SREK1: variants seen among roughly 807,000 people sequenced by gnomAD.
SREK1 encodes splicing regulatory glutamine/lysine-rich protein 1.
In SREK1, 13 loss-of-function variants were observed where a neutral mutation model predicts 66.5. The ratio of observed to expected loss-of-function variants is 0.20; its 90% confidence interval spans 0.13 to 0.31. The LOEUF is 0.31. SREK1 is among the 10% of genes least tolerant of loss of function. The probability of loss-of-function intolerance (pLI) is 1.00; values close to 1 mark genes in which losing one functional copy is unlikely to be tolerated. For synonymous variants in SREK1, 265 were observed against 263.5 expected (o/e 1.01, Z -0.05); for missense variants, 607 against 769.6 (o/e 0.79, Z 2.50).
chr5:66,151,692 TAC>T (rs1202801721), intron 1 of SREK1, among the ~76,000 whole-genome samples: 1 of 152,098 alleles, frequency 6.6e-6, no homozygotes, highest in African/African-American at 2.4e-5. Context: ...TGGATGTGCA[TAC>T]AGTTAACCTC....
At chr5:66,153,727 AG>A (rs1477904889) in intron 2 of SREK1, 131 bp downstream of exon 2, 1 of 1,182,552 alleles carries the variant, frequency 8.5e-7, no homozygotes, top group African/African-American at 1.6e-5. Context: ...AATTTGGAGG[AG>A]GTAAACCTTT....
At chr5:66,145,797 ACTGT>A (rs1743140001) in intron 1 of SREK1, among the ~76,000 whole-genome samples, 1 of 145,794 alleles carries the variant, frequency 6.9e-6, no homozygotes, top group Non-Finnish European at 1.5e-5. Flanking sequence ...ATTAGATAAC[ACTGT>A]CTCCCTTGAA....
intron 3 of SREK1, among the ~76,000 whole-genome samples, chr5:66,161,261 A>G (rs1744737252): frequency 6.6e-6 from 1 of 152,118 alleles, no homozygotes; most frequent in South Asian, 2.1e-4. Flanking sequence ...TTCTTTGTGA[A>G]TTCTGTATTT....
At chr5:66,153,797 A>G (rs1352483919) in intron 2 of SREK1, 17 of 552,824 alleles carry the variant, frequency 3.1e-5, no homozygotes, top group African/African-American at 8.0e-5. Context: ...AGGTTTTACA[A>G]TTTAACATTC....
chr5:66,154,946 C>A (rs1744154521), intron 2 of SREK1, among the ~76,000 whole-genome samples: 1 of 152,062 alleles, frequency 6.6e-6, no homozygotes, highest in Non-Finnish European at 1.5e-5. Flanking sequence ...AAAAAGAAAT[C>A]AGGTAAAAGG....
intron 1 of SREK1, among the ~76,000 whole-genome samples, chr5:66,151,833 C>G (rs1315659219): frequency 4.7e-5 from 6 of 127,572 alleles, no homozygotes; most frequent in Admixed American, 2.3e-4. Context: ...AGAGGTACAT[C>G]CTTTTTTTTT....
intron 3 of SREK1, among the ~76,000 whole-genome samples, chr5:66,160,734 A>G (rs971372777): frequency 6.6e-6 from 1 of 152,198 alleles, no homozygotes; most frequent in Non-Finnish European, 1.5e-5. Context: ...CGTTTTCACC[A>G]TTAGCAAGTG....
chr5:66,161,421 A>G (rs1279921041), intron 3 of SREK1, among the ~76,000 whole-genome samples: 1 of 152,220 alleles, frequency 6.6e-6, no homozygotes, highest in African/African-American at 2.4e-5. Flanking sequence ...TTTGGCACTC[A>G]GGCAGTAAAC....
intron 1 of SREK1, among the ~76,000 whole-genome samples, chr5:66,146,316 A>G (rs1280998223): frequency 6.6e-6 from 1 of 152,140 alleles, no homozygotes; most frequent in African/African-American, 2.4e-5. Flanking sequence ...TAGAAGAAAT[A>G]TATTGGAGAA....
At chr5:66,167,188 GCTT>G (rs1336092898) in intron 7 of SREK1, 5 of 152,086 alleles carry the variant, frequency 3.3e-5, no homozygotes, top group Non-Finnish European at 7.3e-5. Flanking sequence ...TGTTCCTTCC[GCTT>G]CTTATGGTTA....
chr5:66,150,565 C>G (rs1743699784), intron 1 of SREK1, among the ~76,000 whole-genome samples: 1 of 152,120 alleles, frequency 6.6e-6, no homozygotes, highest in Non-Finnish European at 1.5e-5. Context: ...AGAAAGATCA[C>G]TGTGGGAGCT....
chr5:66,166,529 A>C (rs1745193684), intron 7 of SREK1: 1 of 151,998 alleles, frequency 6.6e-6, no homozygotes, highest in Non-Finnish European at 1.5e-5. Context: ...GGAGTGCAGT[A>C]GCTTGATCTC....
chr5:66,160,491 C>T (rs1253768567), intron 3 of SREK1, among the ~76,000 whole-genome samples: 1 of 151,926 alleles, frequency 6.6e-6, no homozygotes, highest in Non-Finnish European at 1.5e-5. Flanking sequence ...GAATGGTGGT[C>T]AGTATGGTTG....
Position 66,178,966 on chromosome 5 carries a change from T to C in SREK1, c.*98T>C. 1 of 1,316,854 alleles carries C rather than the reference T, an allele frequency of 7.6e-7. No homozygotes were observed. The highest frequency in any genetic ancestry group is 1.0e-6 in the Non-Finnish European group (1 of 1,000,982). 81.6% of individuals were successfully genotyped at this position (1,316,854 alleles called of 1,614,324 possible). A position where few individuals can be genotyped will look rare whatever the true frequency, so the allele number is the denominator to read the frequency against. ...AACAGGAAAGAAATCTAGTTGAGCATGAAGATAGGATCTAACAGCTTTTCC... is the reference window on the plus strand; with the variant it reads ...AACAGGAAAGAAATCTAGTTGAGCACGAAGATAGGATCTAACAGCTTTTCC... On this transcript the variant is annotated 3_prime_UTR_variant, in exon 12 of 12. Coordinates refer to ENST00000334121, the MANE Select transcript of SREK1 (RefSeq NM_001077199.3).
At position 66,177,580 on chromosome 5, in the gene SREK1, A is replaced by G. The variant is rs1304114819; in HGVS notation, c.1647A>G (p.Glu549=). 2 of 1,609,526 alleles carry G rather than the reference A, an allele frequency of 1.2e-6. No individual in the cohort carries two copies. The highest frequency in any genetic ancestry group is 1.7e-6 in the Non-Finnish European group (2 of 1,176,924). The part of the protein sequence containing the change: ...RDHISERRER[E]RSTSMRKSSN... The stretch of plus-strand genomic sequence containing the variant: ...ACATCAGTGAAAGAAGAGAGAGAGA[A>G]CGTTCAACGTCTATGAGAAAGAGTT... Residue 549 remains glutamate, a synonymous_variant, in exon 11 of 12, where the codon GAA becomes GAG. Transcript: ENST00000334121.
At chr5:66,145,146 C>T (rs950036107) in intron 1 of SREK1, 17 of 985,386 alleles carry the variant, frequency 1.7e-5, no homozygotes, top group South Asian at 4.7e-5. Context: ...AATTTTCCTC[C>T]TGAAAGGTCA....
intron 2 of SREK1, among the ~76,000 whole-genome samples, chr5:66,155,205 A>C (rs1259359264): frequency 6.6e-6 from 1 of 152,194 alleles, no homozygotes; most frequent in Non-Finnish European, 1.5e-5. Flanking sequence ...AGAGATGAAT[A>C]AATGCACAGT....
chr5:66,156,093 T>G, intron 2 of SREK1: 1 of 1,519,498 alleles, frequency 6.6e-7, no homozygotes, highest in Non-Finnish European at 8.8e-7. Context: ...GCAGACCTGT[T>G]ACACTTGCCT....
intron 11 of SREK1, 106 bp downstream of exon 11, chr5:66,177,764 G>A (rs1214320094): frequency 3.8e-6 from 3 of 796,364 alleles, no homozygotes; most frequent in Non-Finnish European, 5.4e-6. Flanking sequence ...TACATTGTTG[G>A]CATTTTATGG....
Sources: allele counts gnomAD v4.1 joint callset (sites outside exome capture counted in the v4.1 genomes callset), GRCh38; gene constraint gnomAD v4.1.1; transcripts MANE v1.5; gene names NCBI Gene and HGNC (gene_info 2026-07-23, HGNC 2026-07-21).